WNK3: variants seen among roughly 807,000 people sequenced by gnomAD.
WNK3 encodes serine/threonine-protein kinase WNK3.
In WNK3, 18 loss-of-function variants were observed where a neutral mutation model predicts 116.7. The ratio of observed to expected loss-of-function variants is 0.15; its 90% CI spans 0.11 to 0.23. The LOEUF (loss-of-function observed/expected upper bound fraction) is 0.23. Ranked by LOEUF, WNK3 falls within the 10% of genes least tolerant of loss-of-function variation. WNK3 has a pLI of 1.00. For missense variants in WNK3, 993 were observed against 1,323.8 expected (o/e 0.75, Z 3.88); for synonymous variants, 404 against 469.4 (o/e 0.86, Z 1.80).
chrX:54,315,949 A>ACT (rs781841049), intron 2 of WNK3, among the ~76,000 whole-genome samples: 1 of 110,018 alleles, frequency 9.1e-6, no homozygotes, highest in South Asian at 3.9e-4. Context: ...GCAAAAGCTA[A>ACT]CTCTCTCTCC....
intron 1 of WNK3, among the ~76,000 whole-genome samples, chrX:54,352,652 C>T (rs2069532896): frequency 9.0e-6 from 1 of 111,570 alleles, no homozygotes; most frequent in African/African-American, 3.3e-5. Flanking sequence ...TGTACTCCAG[C>T]CTGGGCAACA....
At chrX:54,333,665 A>G in exon 2 of WNK3, 1 of 1,192,190 alleles carries the variant, frequency 8.4e-7, no homozygotes, top group Non-Finnish European at 1.1e-6. Flanking sequence ...CCCCTGAATC[A>G]GTGGCCATTG....
At chrX:54,260,750 T>A (rs1361693787) in intron 10 of WNK3, among the ~76,000 whole-genome samples, 2 of 110,846 alleles carry the variant, frequency 1.8e-5, no homozygotes, top group Non-Finnish European at 3.8e-5. Flanking sequence ...TGAGATGGAG[T>A]CTCGCTCTGT....
At chrX:54,268,807 A>C (rs1277308842) in intron 10 of WNK3, among the ~76,000 whole-genome samples, 7 of 111,297 alleles carry the variant, frequency 6.3e-5, no homozygotes, top group Admixed American at 4.8e-4. Context: ...TAAATAAATA[A>C]ATGAGGGAGA....
intron 3 of WNK3, among the ~76,000 whole-genome samples, chrX:54,310,020 T>C (rs189935499): frequency 9.0e-6 from 1 of 110,897 alleles, no homozygotes; most frequent in East Asian, 2.8e-4. Flanking sequence ...TTATACCATA[T>C]TTAATATTTG....
intron 8 of WNK3, among the ~76,000 whole-genome samples, chrX:54,293,800 C>T (rs2147112039): frequency 8.9e-6 from 1 of 112,264 alleles, no homozygotes; most frequent in Non-Finnish European, 1.9e-5. Context: ...TACACTTGAG[C>T]CTAAAATACA....
chrX:54,203,399 A>G (rs2067520309), intron 22 of WNK3, among the ~76,000 whole-genome samples: 1 of 112,082 alleles, frequency 8.9e-6, no homozygotes, highest in African/African-American at 3.2e-5. Flanking sequence ...ACAGTTGTAA[A>G]TTTAAGCACA....
intron 1 of WNK3, among the ~76,000 whole-genome samples, chrX:54,338,723 T>C (rs782148658): frequency 2.7e-5 from 3 of 109,935 alleles, no homozygotes; most frequent in Non-Finnish European, 5.7e-5. Flanking sequence ...AAATAAGACC[T>C]GGGCGTGGTG....
At chrX:54,254,373 G>T (rs782226395) in intron 12 of WNK3, among the ~76,000 whole-genome samples, 35 of 112,246 alleles carry the variant, frequency 3.1e-4, no homozygotes, top group African/African-American at 1.1e-3. Flanking sequence ...GCAATGCAAA[G>T]ATTTAAATTT....
intron 22 of WNK3, among the ~76,000 whole-genome samples, chrX:54,222,340 C>G (rs1177779364): frequency 9.1e-6 from 1 of 109,502 alleles, no homozygotes; most frequent in East Asian, 2.9e-4. Flanking sequence ...TGCTTAAGCC[C>G]AGGAGCTCGA....
Position 54,237,065 on chromosome X carries a change from C to T in WNK3, c.4501G>A (p.Glu1501Lys), listed in dbSNP as rs149043219. The change falls in exon 20 of 24, where the codon GAA (glutamate) becomes AAA (lysine). Residue 1501 changes from glutamate (E) to lysine (K), a missense_variant. By Grantham distance (56) the Glu-to-Lys change is moderately conservative. This residue lies in a region of WNK3 where 836 missense variants were observed against 976.5 expected (regional missense o/e 0.86). Transcript: ENST00000354646. ...TGTGTTTGAGCATAAGCTTGTTCTT[C>T]GTGGTGTGGTAAGCACTGATTACTC... The T allele has an allele frequency of 3.6e-4, 434 of 1,210,594 alleles. No homozygotes were observed. The highest frequency in any genetic ancestry group is 2.8e-4 in the Non-Finnish European group (249 of 895,392).
chrX:54,353,151 T>A (rs975883035), intron 1 of WNK3, among the ~76,000 whole-genome samples: 1 of 111,834 alleles, frequency 8.9e-6, no homozygotes. Context: ...ACTGTACAAC[T>A]GTACACTTTA....
At chrX:54,355,843 A>G (rs1389414146) in intron 1 of WNK3, among the ~76,000 whole-genome samples, 1 of 111,791 alleles carries the variant, frequency 8.9e-6, no homozygotes, top group Non-Finnish European at 1.9e-5. Flanking sequence ...TGCCTGGTTG[A>G]GTTAGTGCAA....
intron 20 of WNK3, among the ~76,000 whole-genome samples, chrX:54,235,046 A>G (rs1427620538): frequency 2.7e-5 from 3 of 111,924 alleles, no homozygotes; most frequent in Non-Finnish European, 3.8e-5. Flanking sequence ...ATGAATATTT[A>G]AAGTATATAT....
chrX:54,349,080 A>G (rs781853801), intron 1 of WNK3, among the ~76,000 whole-genome samples: 332 of 112,543 alleles, frequency 2.9e-3, no homozygotes, highest in Non-Finnish European at 4.7e-3. Context: ...TCATGCCTGT[A>G]ATCCCAGCAC....
intron 1 of WNK3, among the ~76,000 whole-genome samples, chrX:54,335,157 C>T (rs1263207760): frequency 9.1e-6 from 1 of 109,769 alleles, no homozygotes; most frequent in African/African-American, 3.3e-5. Flanking sequence ...CCCAGCTACC[C>T]GGGAGGCTTA....
In WNK3 at chrX:54,315,543, T is replaced by C. The variant is rs184418771; in HGVS notation, c.538-4252A>G. ...ATCTTTTTCACCCTGGGAGATGATATCTTAGTTGATTAGAGATTCTTGGAT... is the reference window on the plus strand; with the variant it reads ...ATCTTTTTCACCCTGGGAGATGATACCTTAGTTGATTAGAGATTCTTGGAT... On this transcript the variant is annotated intron_variant, in intron 2 of 23. Transcript: ENST00000354646. 4.6e-3 allele frequency among the ~76,000 whole-genome samples: 517 copies of C among 111,553 alleles called. 2 individuals are homozygous for C. The highest frequency in any genetic ancestry group is 7.9e-3 in the Non-Finnish European group (418 of 53,124).
chrX:54,357,113 C>T (rs1557179512), intron 1 of WNK3, among the ~76,000 whole-genome samples: 10 of 110,881 alleles, frequency 9.0e-5, no homozygotes, highest in Non-Finnish European at 1.9e-5. Context: ...GTCCCTCACA[C>T]ATCAGCTGAA....
chrX:54,268,890 GA>G (rs1189084345), intron 10 of WNK3, among the ~76,000 whole-genome samples: 2 of 111,479 alleles, frequency 1.8e-5, no homozygotes, highest in Non-Finnish European at 3.8e-5. Context: ...AAGTGAAAGG[GA>G]TATTTACATA....
Sources: gnomAD v4.1 joint callset for allele counts (sites outside exome capture counted in the v4.1 genomes callset) on GRCh38, gnomAD v4.1.1 for gene constraint, gnomAD v4.1.1 regional missense constraint, MANE v1.5 for transcripts, NCBI Gene and HGNC (gene_info 2026-07-23, HGNC 2026-07-21) for gene names.